DACT3: variants seen among roughly 807,000 people sequenced by gnomAD.
DACT3 encodes the protein dishevelled binding antagonist of beta catenin 3, also known as dapper homolog 3.
DACT3 carries 5 observed loss-of-function variants against 19.6 expected under a neutral mutation model. The observed-to-expected ratio is 0.26, with a 90% confidence interval of 0.13 to 0.54. The LOEUF is 0.54. DACT3 is among the 20% of genes least tolerant of loss of function. The pLI is 0.95. For missense variants in DACT3, 908 were observed against 927.4 expected, an observed-to-expected ratio of 0.98 and a Z score of 0.27; for synonymous variants, 454 against 428.1, an observed-to-expected ratio of 1.06 and a Z score of -0.75.
chr19:46,648,252 A>T lies in DACT3; in HGVS notation c.*230T>A. On this transcript the variant is annotated 3_prime_UTR_variant, in exon 4 of 4. Transcript: ENST00000391916. The surrounding 1 kb of genome is among the most constrained non-coding windows in gnomAD (Gnocchi z 5.1). ...CCAGAGAAGGGGAACTGTCTTGCCC[A>T]AGGGCTTCCAAGCTAGAAGCTGAAC... 1.5e-6 allele frequency: 1 copy of T among 645,970 alleles called. No homozygotes were observed. Among genetic ancestry groups the T allele is most frequent in the Non-Finnish European group, 2.6e-6 (1 of 381,700 alleles). The allele number at this position is 645,970 out of a possible 1,614,324, so 40.0% of individuals were successfully genotyped here.
At chr19:46,649,978 C>T in intron 3 of DACT3, 106 bp from the exon 4 acceptor site, 2 of 1,222,864 alleles carry the variant, frequency 1.6e-6, no homozygotes, top group Non-Finnish European at 1.0e-6. Context: ...GCCTCCCTCC[C>T]TTCCATCCTC....
At position 46,648,525 on chromosome 19, in the gene DACT3, A is replaced by T; in HGVS notation, c.1847T>A (p.Leu616Gln). The change falls in exon 4 of 4, where the codon CTG (leucine) becomes CAG (glutamine). Residue 616 changes from leucine (L) to glutamine (Q), a missense_variant. Leu to Gln is a moderately radical substitution (Grantham distance 113, BLOSUM62 -2). Coordinates refer to ENST00000391916, the MANE Select transcript of DACT3 (RefSeq NM_145056.3). The surrounding 1 kb of genome is among the most constrained non-coding windows in gnomAD (Gnocchi z 5.1). ...KASHALKKKI[L>Q]RFRSGSLKVM... ...CTTGAGAGAACCCGAACGGAAACGCAGTATCTTTTTCTTGAGCGCGTGGGA... is the reference window on the plus strand; with the variant it reads ...CTTGAGAGAACCCGAACGGAAACGCTGTATCTTTTTCTTGAGCGCGTGGGA... The T allele has an allele frequency of 1.2e-6, 2 of 1,613,948 alleles. No homozygotes were observed. Among genetic ancestry groups the T allele is most frequent in the Non-Finnish European group, 1.7e-6 (2 of 1,179,852 alleles).
At chr19:46,657,498 T>C (rs542184057) in intron 1 of DACT3, among the ~76,000 whole-genome samples, 4 of 151,128 alleles carry the variant, frequency 2.6e-5, no homozygotes, top group Admixed American at 2.6e-4. Context: ...GGACTACAGG[T>C]GCCCGCCACC....
intron 1 of DACT3, among the ~76,000 whole-genome samples, chr19:46,658,749 C>T (rs868593137): frequency 1.6e-4 from 24 of 152,294 alleles, no homozygotes; most frequent in Middle Eastern, 6.8e-3. Context: ...GACCCCTTTG[C>T]CCAAACTTCC....
chr19:46,659,242 G>T (rs1167165721), intron 1 of DACT3: 10 of 985,264 alleles, frequency 1.0e-5, no homozygotes, highest in Non-Finnish European at 1.2e-5. Flanking sequence ...AGACTGGGGG[G>T]TGGGGGGACA....
chr19:46,653,184 C>G, intron 1 of DACT3, 109 bp from the exon 2 acceptor site: 1 of 1,463,932 alleles, frequency 6.8e-7, no homozygotes, highest in African/African-American at 1.4e-5. Flanking sequence ...ATGAGGCTCT[C>G]GCTTCAAAGG....
rs2052967327 is a variant in DACT3, at chr19:46,650,011, C to A, written c.500-139G>T. On this transcript the variant is annotated intron_variant, in intron 3 of 3. Coordinates refer to ENST00000391916, the MANE Select transcript of DACT3 (RefSeq NM_145056.3). ...CTCATCGCAGCAAAAACCCTGCTCT[C>A]ACACCTTCCTTCTTGTAAAATTCAT... 3 of 971,218 alleles carry A rather than the reference C, an allele frequency of 3.1e-6. No individual in the cohort carries two copies. The African/African-American group carries it at 5.1e-5, about 17-fold the overall frequency. The allele number at this position is 971,218 out of a possible 1,614,324, so 60.2% of individuals were successfully genotyped here.
intron 1 of DACT3, chr19:46,659,319 CGAGGA>C: frequency 2.1e-6 from 2 of 954,842 alleles, no homozygotes; most frequent in Non-Finnish European, 2.5e-6. Flanking sequence ...ACAGAGGGAC[CGAGGA>C]GAGGGAGACT....
rs773866726 is a variant in DACT3 at position 46,655,923 on chromosome 19, CTCTATATA to C, written c.250-2856_250-2849del. Among the ~76,000 whole-genome samples the C allele has an allele frequency of 1.1e-3, 119 of 109,684 alleles. 3 individuals are homozygous for C. Among genetic ancestry groups the C allele is most frequent in the African/African-American group, 2.5e-3 (88 of 35,446 alleles). 72.0% of individuals were successfully genotyped at this position (109,684 alleles called of 152,430 possible). A position where few individuals can be genotyped will look rare whatever the true frequency, so the allele number is the denominator to read the frequency against. ...CCAGTCTCTCTCTCTCTCTCTCTCT[CTCTATATA>C]TATATATATATATATACACAAACAC... On this transcript the variant is annotated intron_variant, in intron 1 of 3. Transcript: ENST00000391916.
chr19:46,648,914 A>G lies in DACT3; in HGVS notation c.1458T>C (p.Asp486=), dbSNP rs2052947840. 2 of 1,354,326 alleles carry G rather than the reference A, an allele frequency of 1.5e-6. No individual in the cohort carries two copies. Among genetic ancestry groups the G allele is most frequent in the South Asian group, 3.6e-5 (2 of 56,144 alleles). The allele number at this position is 1,354,326 out of a possible 1,614,324, so 83.9% of individuals were successfully genotyped here. A position where few individuals can be genotyped will look rare whatever the true frequency, so the allele number is the denominator to read the frequency against. The change falls in exon 4 of 4, where the codon GAT becomes GAC. Residue 486 remains aspartate (D), a synonymous_variant. Transcript: ENST00000391916. The surrounding 1 kb of genome is among the most constrained non-coding windows in gnomAD (Gnocchi z 5.1). ...GGGCTCGGGGCCGCACGCGGCGCCC[A>G]TCGGCAGCGTCGATCTCCGCAGTGG... is the stretch of plus-strand genomic sequence containing the variant. ...WRSTAEIDAA[D]GRRVRPRAPA...
At chr19:46,654,985 C>T (rs141814414) in intron 1 of DACT3, 110 of 985,286 alleles carry the variant, frequency 1.1e-4, no homozygotes, top group African/African-American at 9.9e-4. Context: ...CATCTTTGAG[C>T]GGAACTCAAA....
intron 1 of DACT3, chr19:46,659,132 C>A (rs1247898186): frequency 1.0e-6 from 1 of 985,008 alleles, no homozygotes; most frequent in Non-Finnish European, 1.2e-6. Context: ...ACCCAGGAAC[C>A]CCCAGCACTA....
chr19:46,661,120 C>G lies in DACT3; in HGVS notation c.-56G>C, dbSNP rs2053073060. 9 of 1,344,898 alleles carry G rather than the reference C, an allele frequency of 6.7e-6. No individual in the cohort carries two copies. Among genetic ancestry groups the G allele is most frequent in the Non-Finnish European group, 6.6e-6 (7 of 1,053,092 alleles). 83.3% of individuals were successfully genotyped at this position (1,344,898 alleles called of 1,614,324 possible). On this transcript the variant is annotated 5_prime_UTR_variant, in exon 1 of 4. Transcript: ENST00000391916. ...GCCCCGCGGCCACCCCTCTCCCGGT[C>G]CCACCTCCCCGCCCCAGCAGCCTGC... is the stretch of plus-strand genomic sequence containing the variant.
intron 1 of DACT3, among the ~76,000 whole-genome samples, chr19:46,655,467 G>A (rs2053025807): frequency 6.6e-6 from 1 of 152,038 alleles, no homozygotes; most frequent in Non-Finnish European, 1.5e-5. Flanking sequence ...ACAAAAAATA[G>A]CCAGGTGTGG....
chr19:46,652,944 T>C (rs113736578), intron 2 of DACT3, 35 bp downstream of exon 2: 149,806 of 1,548,014 alleles, frequency 0.097, 9,487 homozygotes, highest in South Asian at 0.22. Flanking sequence ...CATGGAGGCG[T>C]CCCAGGCAAA....
chr19:46,660,688 C>T lies in DACT3; in HGVS notation c.249+128G>A, dbSNP rs2053068616. The T allele has an allele frequency of 7.2e-7, 1 of 1,382,844 alleles. No individual in the cohort carries two copies. Among genetic ancestry groups the T allele is most frequent in the Non-Finnish European group, 9.3e-7 (1 of 1,073,652 alleles). The allele number at this position is 1,382,844 out of a possible 1,614,324, so 85.7% of individuals were successfully genotyped here. A position where few individuals can be genotyped will look rare whatever the true frequency, so the allele number is the denominator to read the frequency against. Reference sequence around the variant, plus strand: ...CCGCCGGAACTCCGGGGTCGCCAGCCCCACCCCCTGTCCTTTCTCACTCCC... The same window carrying T: ...CCGCCGGAACTCCGGGGTCGCCAGCTCCACCCCCTGTCCTTTCTCACTCCC... On this transcript the variant is annotated intron_variant, in intron 1 of 3. Transcript: ENST00000391916. This position sits in a 1 kb window ranked among gnomAD's most constrained non-coding sequence, Gnocchi z 4.9.
intron 1 of DACT3, among the ~76,000 whole-genome samples, chr19:46,659,804 T>TG (rs1276960142): frequency 7.0e-6 from 1 of 143,594 alleles, no homozygotes; most frequent in African/African-American, 2.6e-5. Context: ...GTGTGCGGGC[T>TG]GGGGGGAGGG....
intron 2 of DACT3, 44 bp from the exon 3 acceptor site, chr19:46,652,856 G>A: frequency 6.5e-7 from 1 of 1,541,630 alleles, no homozygotes; most frequent in Non-Finnish European, 8.8e-7. Flanking sequence ...GGGTTTGGGT[G>A]GGAAAACCAG....
Position 46,649,036 on chromosome 19 carries a change from T to A in DACT3, c.1336A>T (p.Thr446Ser). Reference sequence around the variant, plus strand: ...GGCCGAGGCTCTTCCCGCTCCGCCGTGGGGTACTTAGGGGGCCCCGAAGGG... The same window carrying A: ...GGCCGAGGCTCTTCCCGCTCCGCCGAGGGGTACTTAGGGGGCCCCGAAGGG... Reference protein sequence around the residue: ...AVPSGPPKYPTAEREEPRPPR... With the variant: ...AVPSGPPKYPSAEREEPRPPR... Residue 446 changes from threonine (T) to serine (S), a missense_variant, in exon 4 of 4, where the codon ACG becomes TCG. Transcript: ENST00000391916. The A allele has an allele frequency of 7.8e-7, 1 of 1,276,606 alleles. No homozygotes were observed. The highest frequency in any genetic ancestry group is 2.4e-5 in the South Asian group (1 of 41,822). 79.1% of individuals were successfully genotyped at this position (1,276,606 alleles called of 1,614,324 possible). A position where few individuals can be genotyped will look rare whatever the true frequency, so the allele number is the denominator to read the frequency against.
Sources: gnomAD v4.1 joint callset for allele counts (sites outside exome capture counted in the v4.1 genomes callset) on GRCh38, gnomAD v4.1.1 for gene constraint, Gnocchi (gnomAD v3.1) non-coding constraint, MANE v1.5 for transcripts, NCBI Gene and HGNC (gene_info 2026-07-23, HGNC 2026-07-21) for gene names.